Variants in SKIL observed in about 807,000 individuals in gnomAD.
The protein encoded by SKIL is SKI like proto-oncogene, also known as ski-like protein.
SKIL carries 20 observed loss-of-function variants against 69.6 expected under a neutral mutation model. The observed-to-expected ratio is 0.29, with a 90% CI of 0.20 to 0.42. The LOEUF is 0.42. SKIL is among the 10% of genes least tolerant of loss of function. The pLI is 1.00. For missense variants in SKIL, 745 were observed against 783.1 expected, an observed-to-expected ratio of 0.95 and a Z score of 0.58; for synonymous variants, 310 against 279.9, an observed-to-expected ratio of 1.11 and a Z score of -1.08.
rs1188232577 is a variant in SKIL, at chr3:170,395,488, T to C, written c.*3071T>C. 6.6e-6 allele frequency: 1 copy of C among 152,114 alleles called. No individual in the cohort carries two copies. The highest frequency in any genetic ancestry group is 1.5e-5 in the Non-Finnish European group (1 of 67,962). The allele number at this position is 152,114 out of a possible 1,614,324, so 9.4% of individuals were successfully genotyped here. On this transcript the variant is annotated 3_prime_UTR_variant, in exon 7 of 7. Transcript: ENST00000259119. ...AGCTATTAAAGTAGGTGAAATAAAG[T>C]ATATATTTGCCGGTTATCCATATCT...
At chr3:170,371,366 G>T (rs1014192322) in intron 2 of SKIL, among the ~76,000 whole-genome samples, 2 of 152,098 alleles carry the variant, frequency 1.3e-5, no homozygotes, top group Non-Finnish European at 2.9e-5. Flanking sequence ...AAATAGCTGG[G>T]CATGGTGGCA....
intron 2 of SKIL, among the ~76,000 whole-genome samples, chr3:170,366,405 C>T (rs1736515624): frequency 3.3e-5 from 5 of 152,038 alleles, no homozygotes; most frequent in South Asian, 2.1e-4. Flanking sequence ...TTAGGCCAGG[C>T]GCGGTGGCTC....
chr3:170,396,015 T>G lies in SKIL; in HGVS notation c.*3598T>G, dbSNP rs920075375. ...GCATTTCATTTAAAAGGACAGTTTT[T>G]TTTTTTTTTTTGTAAATCCATTCAT... On this transcript the variant is annotated 3_prime_UTR_variant, in exon 7 of 7. Transcript: ENST00000259119. The G allele has an allele frequency of 2.6e-5, 4 of 151,760 alleles. No homozygotes were observed. Among genetic ancestry groups the G allele is most frequent in the Non-Finnish European group, 4.4e-5 (3 of 67,818 alleles). The allele number at this position is 151,760 out of a possible 1,614,324, so 9.4% of individuals were successfully genotyped here. A position where few individuals can be genotyped will look rare whatever the true frequency, so the allele number is the denominator to read the frequency against.
At chr3:170,362,026 A>G (rs907591045) in intron 2 of SKIL, among the ~76,000 whole-genome samples, 17 of 152,168 alleles carry the variant, frequency 1.1e-4, no homozygotes, top group Admixed American at 7.2e-4. Flanking sequence ...CCGTGGGCTC[A>G]AAACAGCATT....
intron 2 of SKIL, among the ~76,000 whole-genome samples, chr3:170,377,846 G>C (rs1365983494): frequency 6.6e-6 from 1 of 150,576 alleles, no homozygotes; most frequent in Admixed American, 6.6e-5. Context: ...GAGCCACTGT[G>C]CCTGGCCTAA....
At chr3:170,363,758 T>C (rs1252298210) in intron 2 of SKIL, among the ~76,000 whole-genome samples, 1 of 152,220 alleles carries the variant, frequency 6.6e-6, no homozygotes, top group Non-Finnish European at 1.5e-5. Context: ...GTGCTGGGAT[T>C]ACAGGTGTGA....
Position 170,389,556 on chromosome 3 carries a change from C to T in SKIL, c.1430-667C>T, listed in dbSNP as rs982756967. On this transcript the variant is annotated intron_variant, in intron 4 of 6. Coordinates refer to ENST00000259119, the MANE Select transcript of SKIL (RefSeq NM_005414.5). ...GTCTCAATCTCCTGACGTCGTGATC[C>T]GCCCTTCTCGGCCTCCCAAAGTGCT... Among the ~76,000 whole-genome samples, 57 of 152,152 alleles carry T rather than the reference C, an allele frequency of 3.7e-4. 1 individual carries two copies. The highest frequency in any genetic ancestry group is 1.3e-3 in the African/African-American group (56 of 41,524).
chr3:170,363,548 C>A (rs780466288), intron 2 of SKIL, among the ~76,000 whole-genome samples: 1 of 151,830 alleles, frequency 6.6e-6, no homozygotes, highest in Non-Finnish European at 1.5e-5. Context: ...CTCAGTGGCG[C>A]GATCTTGGCA....
At chr3:170,387,246 TC>T in intron 4 of SKIL, among the ~76,000 whole-genome samples, 1 of 152,248 alleles carries the variant, frequency 6.6e-6, no homozygotes, top group East Asian at 1.9e-4. Context: ...GATCTTGAAC[TC>T]CTGACCTTAG....
At chr3:170,363,278 G>A (rs925212137) in intron 2 of SKIL, among the ~76,000 whole-genome samples, 1 of 152,134 alleles carries the variant, frequency 6.6e-6, no homozygotes, top group Admixed American at 6.5e-5. Context: ...TAAGACTTGG[G>A]ATCCTGAGCT....
chr3:170,384,657 G>T lies in SKIL; in HGVS notation c.1321G>T (p.Ala441Ser). Residue 441 changes from alanine (A) to serine (S), a missense_variant, in exon 4 of 7, where the codon GCT (alanine) becomes TCT (serine). Ala to Ser is a moderately conservative substitution (Grantham distance 99, BLOSUM62 1). Transcript: ENST00000259119. Reference sequence around the variant, plus strand: ...GTCCATATCAAGACAGTCAGAGAAGGCTCACAGTAGTGGTAAACTTCAAAA... The same window carrying T: ...GTCCATATCAAGACAGTCAGAGAAGTCTCACAGTAGTGGTAAACTTCAAAA... ...SKSISRQSEK[A>S]HSSGKLQKTV... 1 of 1,611,922 alleles carries T rather than the reference G, an allele frequency of 6.2e-7. No individual in the cohort carries two copies. The highest frequency in any genetic ancestry group is 8.5e-7 in the Non-Finnish European group (1 of 1,178,052).
At position 170,390,288 on chromosome 3, in the gene SKIL, A is replaced by G. The variant is rs767982169; in HGVS notation, c.1495A>G (p.Arg499Gly). The change falls in exon 5 of 7, where the codon AGA (arginine) becomes GGA (glycine). Residue 499 changes from arginine (R) to glycine (G), a missense_variant. Physicochemically the swap from Arg to Gly is moderately radical, Grantham distance 125. Transcript: ENST00000259119. ...KSESATCNLV[R>G]DINKVGIGLV... is the part of the protein sequence containing the mutation. ...TGAGTCTGCCACTTGCAACTTAGTC[A>G]GAGACATAAACAAAGTGGGAATTGG... 4.3e-6 allele frequency: 7 copies of G among 1,613,206 alleles called. No individual in the cohort carries two copies. The highest frequency in any genetic ancestry group is 5.9e-6 in the Non-Finnish European group (7 of 1,179,232).
intron 3 of SKIL, among the ~76,000 whole-genome samples, chr3:170,384,037 C>CA (rs58541525): frequency 0.19 from 13,263 of 70,410 alleles, 866 homozygotes; most frequent in South Asian, 0.29. Flanking sequence ...AATTACTTGC[C>CA]AAAAAAAAAA....
At chr3:170,387,806 C>T (rs1422740122) in intron 4 of SKIL, among the ~76,000 whole-genome samples, 78 of 136,592 alleles carry the variant, frequency 5.7e-4, no homozygotes, top group Middle Eastern at 3.8e-3. Context: ...TAGTGGCGGG[C>T]GCCTGTAGTC....
At chr3:170,381,156 T>A in intron 2 of SKIL, 88 bp from the exon 3 acceptor site, 1 of 755,570 alleles carries the variant, frequency 1.3e-6, no homozygotes, top group Non-Finnish European at 2.4e-6. Flanking sequence ...TTAGTTGTCT[T>A]TACCCAGTGG....
chr3:170,361,053 A>G lies in SKIL; in HGVS notation c.722A>G (p.Gln241Arg), dbSNP rs750635445. 1.2e-6 allele frequency: 2 copies of G among 1,614,112 alleles called. No individual in the cohort carries two copies. The highest frequency in any genetic ancestry group is 8.5e-7 in the Non-Finnish European group (1 of 1,180,052). ...NALLRPRTFPQNGSVLPAKSS... is the reference protein window; with the variant it reads ...NALLRPRTFPRNGSVLPAKSS... Reference sequence around the variant, plus strand: ...TTATTGCGGCCACGAACTTTTCCTCAAAATGGTAGCGTACTTCCTGCTAAA... The same window carrying G: ...TTATTGCGGCCACGAACTTTTCCTCGAAATGGTAGCGTACTTCCTGCTAAA... The change falls in exon 2 of 7, where the codon CAA becomes CGA. Residue 241 changes from glutamine (Q) to arginine (R), a missense_variant. Coordinates refer to ENST00000259119, the MANE Select transcript of SKIL (RefSeq NM_005414.5).
chr3:170,362,322 G>C (rs946432933), intron 2 of SKIL, among the ~76,000 whole-genome samples: 2 of 152,080 alleles, frequency 1.3e-5, no homozygotes, highest in Non-Finnish European at 2.9e-5. Context: ...GGCCAACATG[G>C]TGAAATCCCA....
At chr3:170,367,823 TTA>T (rs1240996795) in intron 2 of SKIL, among the ~76,000 whole-genome samples, 1 of 152,180 alleles carries the variant, frequency 6.6e-6, no homozygotes, top group Non-Finnish European at 1.5e-5. Flanking sequence ...GTAAAATATT[TTA>T]GTTTTTAATC....
Position 170,394,115 on chromosome 3 carries a change from A to ATTTTTTTTTTTTTTT in SKIL, c.*1715_*1729dup, listed in dbSNP as rs559327626. 5 of 74,324 alleles carry ATTTTTTTTTTTTTTT rather than the reference A, an allele frequency of 6.7e-5. No homozygotes were observed. Among genetic ancestry groups the ATTTTTTTTTTTTTTT allele is most frequent in the African/African-American group, 2.6e-4 (5 of 19,300 alleles). 4.6% of individuals were successfully genotyped at this position (74,324 alleles called of 1,614,324 possible). On this transcript the variant is annotated 3_prime_UTR_variant, in exon 7 of 7. Transcript: ENST00000259119. ...ATATTAAAATGACATGTAGAAACAA[A>ATTTTTTTTTTTTTTT]TTTTTTTTTTTTTTTTTTTTTTTTT...
Sources: allele counts gnomAD v4.1 joint callset (sites outside exome capture counted in the v4.1 genomes callset), GRCh38; gene constraint gnomAD v4.1.1; transcripts MANE v1.5; gene names NCBI Gene and HGNC (gene_info 2026-07-23, HGNC 2026-07-21).